The following RASGRF2 variants were observed in gnomAD, a reference collection of about 807,000 sequenced individuals.
RASGRF2 encodes Ras protein specific guanine nucleotide releasing factor 2.
In RASGRF2, 76 loss-of-function variants were observed where a neutral mutation model predicts 151.0. That is an observed-to-expected ratio of 0.50 (90% CI 0.42 to 0.61). The LOEUF is 0.61. RASGRF2 is among the 20% of genes least tolerant of loss of function. RASGRF2 has a pLI of 0.00. For missense variants in RASGRF2, 1,148 were observed against 1,564.6 expected, an observed-to-expected ratio of 0.73 and a Z score of 4.49; for synonymous variants, 504 against 566.5, an observed-to-expected ratio of 0.89 and a Z score of 1.57.
At chr5:81,076,569 G>T (rs1292011049) in intron 5 of RASGRF2, among the ~76,000 whole-genome samples, 6 of 151,096 alleles carry the variant, frequency 4.0e-5, no homozygotes, top group Non-Finnish European at 8.8e-5. Flanking sequence ...AGGAGGCAAG[G>T]ACATCCGCTG....
intron 2 of RASGRF2, among the ~76,000 whole-genome samples, chr5:81,051,467 C>T (rs1025827235): frequency 2.6e-5 from 4 of 152,136 alleles, no homozygotes; most frequent in African/African-American, 7.2e-5. Flanking sequence ...ACCCCATATC[C>T]GATAGCTGTC....
chr5:81,022,259 A>G (rs1165717279), intron 1 of RASGRF2, among the ~76,000 whole-genome samples: 1 of 152,182 alleles, frequency 6.6e-6, no homozygotes. Context: ...CTGGGGCTTC[A>G]TGACTCCAGG....
At chr5:81,205,726 GT>G (rs1299761605) in intron 19 of RASGRF2, among the ~76,000 whole-genome samples, 1 of 152,056 alleles carries the variant, frequency 6.6e-6, no homozygotes, top group African/African-American at 2.4e-5. Flanking sequence ...GTTTGGGACC[GT>G]TTAACTATTT....
intron 1 of RASGRF2, among the ~76,000 whole-genome samples, chr5:80,968,811 G>A (rs13185773): frequency 0.13 from 19,156 of 152,000 alleles, 1,326 homozygotes; most frequent in South Asian, 0.19. Context: ...AGCCTCCCAA[G>A]TAGTTGGGAC....
intron 15 of RASGRF2, among the ~76,000 whole-genome samples, chr5:81,120,294 T>C (rs115568758): frequency 0.042 from 6,422 of 152,234 alleles, 196 homozygotes; most frequent in Middle Eastern, 0.085. Flanking sequence ...ATGAAATAGG[T>C]AGCTGGACAT....
At chr5:81,219,839 AAAC>A (rs1755821044) in intron 26 of RASGRF2, 61 bp downstream of exon 26, 1 of 1,371,062 alleles carries the variant, frequency 7.3e-7, no homozygotes, top group Non-Finnish European at 1.0e-6. Context: ...ATGAATTAGA[AAAC>A]AACAGTAAAA....
At chr5:81,003,790 G>A (rs1749175882) in intron 1 of RASGRF2, among the ~76,000 whole-genome samples, 1 of 152,180 alleles carries the variant, frequency 6.6e-6, no homozygotes, top group South Asian at 2.1e-4. Context: ...CCAGTGCTGA[G>A]GCTGAACTAC....
chr5:81,143,657 C>T (rs1026247812), intron 17 of RASGRF2, among the ~76,000 whole-genome samples: 3 of 151,504 alleles, frequency 2.0e-5, no homozygotes, highest in East Asian at 1.9e-4. Context: ...TTTGGGAGGC[C>T]GAGGCGGGCG....
At chr5:81,133,936 C>T (rs1350234087) in intron 17 of RASGRF2, among the ~76,000 whole-genome samples, 2 of 151,980 alleles carry the variant, frequency 1.3e-5, no homozygotes, top group Non-Finnish European at 2.9e-5. Flanking sequence ...GGGCTTGGAT[C>T]GGTTTTTTAA....
intron 6 of RASGRF2, 85 bp from the exon 7 acceptor site, chr5:81,080,511 G>A (rs190007911): frequency 1.1e-4 from 154 of 1,356,652 alleles, no homozygotes; most frequent in Non-Finnish European, 1.6e-4. Flanking sequence ...ACCTGGTGCT[G>A]GGACCCACTC....
At chr5:81,194,711 C>A (rs972578314) in intron 18 of RASGRF2, among the ~76,000 whole-genome samples, 1 of 152,278 alleles carries the variant, frequency 6.6e-6, no homozygotes, top group South Asian at 2.1e-4. Context: ...CCAGGCCCAG[C>A]CTCTCCTAAG....
intron 17 of RASGRF2, among the ~76,000 whole-genome samples, chr5:81,144,199 A>G (rs1260337804): frequency 2.0e-5 from 3 of 152,220 alleles, no homozygotes; most frequent in African/African-American, 4.8e-5. Context: ...TCAAACTGTT[A>G]TGTCAAAGAT....
At chr5:81,166,088 G>T (rs1156940300) in intron 17 of RASGRF2, among the ~76,000 whole-genome samples, 1 of 152,132 alleles carries the variant, frequency 6.6e-6, no homozygotes, top group Non-Finnish European at 1.5e-5. Context: ...GTATAGAATT[G>T]GTGTTGCCTG....
At chr5:81,082,458 T>C (rs1342716422) in intron 7 of RASGRF2, among the ~76,000 whole-genome samples, 2 of 152,222 alleles carry the variant, frequency 1.3e-5, no homozygotes, top group Non-Finnish European at 2.9e-5. Flanking sequence ...CTGGGAATCT[T>C]TAGGAGACCT....
chr5:81,119,774 T>C (rs1451837061), intron 15 of RASGRF2, among the ~76,000 whole-genome samples: 1 of 152,232 alleles, frequency 6.6e-6, no homozygotes, highest in Non-Finnish European at 1.5e-5. Flanking sequence ...AGGCTCTTTC[T>C]CATATTAGAG....
rs534711936 is a variant in RASGRF2, at chr5:81,092,464, T to TA, written c.1391-336dup. Among the ~76,000 whole-genome samples the TA allele has an allele frequency of 3.3e-5, 5 of 152,330 alleles. No individual in the cohort carries two copies. In the South Asian group the frequency reaches 1.0e-3, roughly 32 times the overall value. On this transcript the variant is annotated intron_variant, in intron 9 of 26. Transcript: ENST00000265080. ...ATGCAATATGTATGTTATTATTAAA[T>TA]ACATAAATTGATTGGATCAGATCAC... is the stretch of plus-strand genomic sequence containing the variant.
At chr5:81,164,325 C>T (rs116102198) in intron 17 of RASGRF2, among the ~76,000 whole-genome samples, 106 of 152,192 alleles carry the variant, frequency 7.0e-4, no homozygotes, top group African/African-American at 2.5e-3. Context: ...GTTTAGTATA[C>T]TTTACAGCCT....
At chr5:81,038,009 C>G (rs1264281403) in intron 1 of RASGRF2, among the ~76,000 whole-genome samples, 2 of 152,108 alleles carry the variant, frequency 1.3e-5, no homozygotes, top group African/African-American at 4.8e-5. Flanking sequence ...ACATTTTTTG[C>G]TCAACATTGA....
chr5:81,191,054 A>G (rs1755144024), intron 18 of RASGRF2, among the ~76,000 whole-genome samples: 1 of 152,078 alleles, frequency 6.6e-6, no homozygotes, highest in African/African-American at 2.4e-5. Flanking sequence ...ATTTCTGGAG[A>G]CTGCGGCATG....
Sources: allele counts gnomAD v4.1 joint callset (sites outside exome capture counted in the v4.1 genomes callset), GRCh38; gene constraint gnomAD v4.1.1; transcripts MANE v1.5; gene names NCBI Gene and HGNC (gene_info 2026-07-23, HGNC 2026-07-21).